DNAJB2: variants seen among roughly 807,000 people sequenced by gnomAD.
The protein encoded by DNAJB2 is dnaJ homolog subfamily B member 2.
DNAJB2 carries 19 observed loss-of-function variants against 33.3 expected under a neutral mutation model. That is an observed-to-expected ratio of 0.57 (90% CI 0.40 to 0.84). The LOEUF is 0.84. Ranked by LOEUF, DNAJB2 falls within the 40% of genes least tolerant of loss-of-function variation. DNAJB2 has a pLI of 0.00. For missense variants in DNAJB2, 368 were observed against 430.9 expected (o/e 0.85, Z 1.29); for synonymous variants, 172 against 164.6 (o/e 1.04, Z -0.34).
intron 2 of DNAJB2, 42 bp from the exon 3 acceptor site, chr2:219,280,536 C>A: frequency 6.6e-7 from 1 of 1,522,628 alleles, no homozygotes; most frequent in Non-Finnish European, 9.1e-7. Flanking sequence ...GAAGTGCCTG[C>A]ATTTGTCCCC....
Position 219,279,622 on chromosome 2 carries a change from C to T in DNAJB2, c.-37+104C>T. 1.7e-6 allele frequency: 1 copy of T among 585,412 alleles called. No individual in the cohort carries two copies. The highest frequency in any genetic ancestry group is 3.0e-6 in the Non-Finnish European group (1 of 331,834). 36.3% of individuals were successfully genotyped at this position (585,412 alleles called of 1,614,324 possible). A position where few individuals can be genotyped will look rare whatever the true frequency, so the allele number is the denominator to read the frequency against. On this transcript the variant is annotated intron_variant, in intron 1 of 8. Coordinates refer to ENST00000336576, the MANE Select transcript of DNAJB2 (RefSeq NM_006736.6). The surrounding 1 kb of genome is among the most constrained non-coding windows in gnomAD (Gnocchi z 4.9). The stretch of plus-strand genomic sequence containing the variant: ...GCCTGGGCGTCGAGATAGCTCTTGG[C>T]CCCGGCCTGCGGGGGCAGATAAGGC...
intron 4 of DNAJB2, 39 bp from the exon 5 acceptor site, chr2:219,281,900 A>G: frequency 6.2e-7 from 1 of 1,612,498 alleles, no homozygotes; most frequent in South Asian, 1.1e-5. Context: ...TCAGGGCAGG[A>G]TGCATGCCCT....
At chr2:219,282,792 G>T in intron 5 of DNAJB2, 45 bp from the exon 6 acceptor site, 1 of 1,508,780 alleles carries the variant, frequency 6.6e-7, no homozygotes, top group Non-Finnish European at 8.9e-7. Flanking sequence ...CTTTTGAGGG[G>T]AAATGTCATT....
intron 4 of DNAJB2, 82 bp from the exon 5 acceptor site, chr2:219,281,857 G>C (rs1559286087): frequency 1.2e-6 from 2 of 1,609,144 alleles, no homozygotes; most frequent in Non-Finnish European, 1.7e-6. Flanking sequence ...GCTCTCTCAG[G>C]CTCCTGGCTG....
chr2:219,279,888 A>G lies in DNAJB2; in HGVS notation c.55A>G (p.Ile19Val), dbSNP rs753895049. The change falls in exon 2 of 9, where the codon ATC becomes GTC. Residue 19 changes from isoleucine (I) to valine (V), a missense_variant. Physicochemically the swap from Ile to Val is conservative, Grantham distance 29. Coordinates refer to ENST00000336576, the MANE Select transcript of DNAJB2 (RefSeq NM_006736.6). This position sits in a 1 kb window ranked among gnomAD's most constrained non-coding sequence, Gnocchi z 4.9. ...DVPRSASADD[I>V]KKAYRRKALQ... The stretch of plus-strand genomic sequence containing the variant: ...GCCGCGAAGTGCGTCCGCTGATGAC[A>G]TCAAGAAGGCGTAAGTGCCTCCGTA... The G allele has an allele frequency of 1.2e-6, 2 of 1,613,730 alleles. No individual in the cohort carries two copies. The highest frequency in any genetic ancestry group is 1.7e-5 in the Admixed American group (1 of 59,980).
intron 8 of DNAJB2, among the ~76,000 whole-genome samples, chr2:219,284,145 T>C (rs138129933): frequency 1.4e-3 from 210 of 152,294 alleles, no homozygotes; most frequent in African/African-American, 4.6e-3. Flanking sequence ...CCCAGCACGA[T>C]TATGGCTCAC....
At position 219,283,194 on chromosome 2, in the gene DNAJB2, A is replaced by G. The variant is rs748494804; in HGVS notation, c.507A>G (p.Thr169=). ...PGAGAFRSVS[T]STTFVQGRRI... ...CTGGTGCTTTTCGCTCTGTTTCTAC[A>G]TCTACCACCTTTGTCCAAGGACGCC... Residue 169 remains threonine (T), a synonymous_variant, in exon 7 of 9, where the codon ACA becomes ACG. Transcript: ENST00000336576. 5.6e-6 allele frequency: 9 copies of G among 1,614,048 alleles called. No individual in the cohort carries two copies. The highest frequency in any genetic ancestry group is 7.6e-6 in the Non-Finnish European group (9 of 1,180,050).
Position 219,286,094 on chromosome 2 carries a change from A to C in DNAJB2, c.*1107A>C. 9.2e-7 allele frequency: 1 copy of C among 1,082,586 alleles called. No individual in the cohort carries two copies. The highest frequency in any genetic ancestry group is 1.2e-6 in the Non-Finnish European group (1 of 824,842). The allele number at this position is 1,082,586 out of a possible 1,614,324, so 67.1% of individuals were successfully genotyped here. ...GACCCTCCATTTCTCCCCCTCACCC[A>C]TGCTGAGTGTAGAGCCGGGGCCTGG... is the stretch of plus-strand genomic sequence containing the variant. On this transcript the variant is annotated 3_prime_UTR_variant, in exon 9 of 9. Transcript: ENST00000336576.
At position 219,285,575 on chromosome 2, in the gene DNAJB2, G is replaced by C; in HGVS notation, c.*588G>C. ...CATCGCTTGCTTTCACTGCCGTCTG[G>C]CTAGGACTCCCTTCTTCCTTCCTTC... On this transcript the variant is annotated 3_prime_UTR_variant, in exon 9 of 9. Coordinates refer to ENST00000336576, the MANE Select transcript of DNAJB2 (RefSeq NM_006736.6). 1 of 1,045,258 alleles carries C rather than the reference G, an allele frequency of 9.6e-7. No homozygotes were observed. Among genetic ancestry groups the C allele is most frequent in the South Asian group, 4.2e-5 (1 of 23,774 alleles). 64.7% of individuals were successfully genotyped at this position (1,045,258 alleles called of 1,614,324 possible).
Position 219,286,209 on chromosome 2 carries a change from C to G in DNAJB2, c.*1222C>G. 1 of 588,974 alleles carries G rather than the reference C, an allele frequency of 1.7e-6. No individual in the cohort carries two copies. The highest frequency in any genetic ancestry group is 2.9e-6 in the Non-Finnish European group (1 of 347,328). 36.5% of individuals were successfully genotyped at this position (588,974 alleles called of 1,614,324 possible). A position where few individuals can be genotyped will look rare whatever the true frequency, so the allele number is the denominator to read the frequency against. On this transcript the variant is annotated 3_prime_UTR_variant, in exon 9 of 9. Coordinates refer to ENST00000336576, the MANE Select transcript of DNAJB2 (RefSeq NM_006736.6). Reference sequence around the variant, plus strand: ...GTTTGGTGCTGGCTCCTGGGGACTACAAATCCCAGAGTGCGGTGTGCCCGG... The same window carrying G: ...GTTTGGTGCTGGCTCCTGGGGACTAGAAATCCCAGAGTGCGGTGTGCCCGG...
intron 6 of DNAJB2, 87 bp from the exon 7 acceptor site, chr2:219,283,046 G>A (rs1951920471): frequency 1.4e-5 from 22 of 1,585,808 alleles, no homozygotes; most frequent in East Asian, 2.2e-5. Flanking sequence ...GCAGCCCTGC[G>A]AGGCGGCCTG....
intron 8 of DNAJB2, 141 bp from the exon 9 acceptor site, chr2:219,284,491 C>A: frequency 9.2e-7 from 1 of 1,090,018 alleles, no homozygotes; most frequent in Non-Finnish European, 1.3e-6. Flanking sequence ...TGCTCAAAAT[C>A]ACAAGCCTAG....
chr2:219,280,483 G>A (rs1023317599), intron 2 of DNAJB2, 95 bp from the exon 3 acceptor site: 10 of 943,326 alleles, frequency 1.1e-5, no homozygotes, highest in Non-Finnish European at 6.6e-6. Context: ...TGAAAGGACA[G>A]TGATAGGCTA....
At chr2:219,280,165 C>A (rs553915256) in intron 2 of DNAJB2, 3 of 546,716 alleles carry the variant, frequency 5.5e-6, no homozygotes, top group Admixed American at 3.4e-5. Context: ...TCCTCCTCCT[C>A]CTCCTCCTTT....
chr2:219,280,140 T>C, intron 2 of DNAJB2: 1 of 553,472 alleles, frequency 1.8e-6, no homozygotes, highest in South Asian at 2.2e-5. Flanking sequence ...TGTTCTCCAG[T>C]TGATCTTCCC....
In DNAJB2 at chr2:219,285,403, G is replaced by A. The variant is rs1951946147; in HGVS notation, c.*416G>A. 1 of 1,010,470 alleles carries A rather than the reference G, an allele frequency of 9.9e-7. No homozygotes were observed. The highest frequency in any genetic ancestry group is 1.2e-6 in the Non-Finnish European group (1 of 846,074). The allele number at this position is 1,010,470 out of a possible 1,614,324, so 62.6% of individuals were successfully genotyped here. A position where few individuals can be genotyped will look rare whatever the true frequency, so the allele number is the denominator to read the frequency against. On this transcript the variant is annotated 3_prime_UTR_variant, in exon 9 of 9. Transcript: ENST00000336576. ...GCAGCTCCACTGGAGAGCAGTGCAGGCAGAGTGGAGCCTCCTGCTCTCCTG... is the reference window on the plus strand; with the variant it reads ...GCAGCTCCACTGGAGAGCAGTGCAGACAGAGTGGAGCCTCCTGCTCTCCTG...
In DNAJB2 at chr2:219,281,705, T is replaced by G; in HGVS notation, c.176-13T>G. ...CCAGAGGGAGGGTGAAATGATCTGG[T>G]CTCTTTTTGCAGAGCACAAGCGGGA... is the stretch of plus-strand genomic sequence containing the variant. On this transcript the variant is annotated splice_polypyrimidine_tract_variant and intron_variant, in intron 3 of 8. Coordinates refer to ENST00000336576, the MANE Select transcript of DNAJB2 (RefSeq NM_006736.6). 1 of 1,613,812 alleles carries G rather than the reference T, an allele frequency of 6.2e-7. No individual in the cohort carries two copies. The highest frequency in any genetic ancestry group is 8.5e-7 in the Non-Finnish European group (1 of 1,179,966).
chr2:219,283,995 C>T (rs562192474), intron 8 of DNAJB2, among the ~76,000 whole-genome samples: 4 of 152,356 alleles, frequency 2.6e-5, no homozygotes, highest in South Asian at 4.1e-4. Context: ...TAACCTTTCA[C>T]GCCTGCTGAC....
At chr2:219,281,913 G>A (rs746171813) in intron 4 of DNAJB2, 26 bp from the exon 5 acceptor site, 2 of 1,613,324 alleles carry the variant, frequency 1.2e-6, no homozygotes, top group Non-Finnish European at 1.7e-6. Context: ...CATGCCCTAA[G>A]CTCTCTCCTC....
Sources: gnomAD v4.1 joint callset for allele counts (sites outside exome capture counted in the v4.1 genomes callset) on GRCh38, gnomAD v4.1.1 for gene constraint, Gnocchi (gnomAD v3.1) non-coding constraint, MANE v1.5 for transcripts, NCBI Gene and HGNC (gene_info 2026-07-23, HGNC 2026-07-21) for gene names.